Variants in ASH1L observed in about 807,000 individuals in gnomAD.
ASH1L encodes the protein ASH1 like histone lysine methyltransferase, also known as histone-lysine N-methyltransferase ASH1L.
In ASH1L, 23 loss-of-function variants were observed where a neutral mutation model predicts 269.0. The observed-to-expected ratio is 0.09, with a 90% confidence interval of 0.06 to 0.12. The LOEUF is 0.12. Ranked by LOEUF, ASH1L falls within the 10% of genes least tolerant of loss-of-function variation. The probability of loss-of-function intolerance (pLI) is 1.00; values close to 1 mark genes in which losing one functional copy is unlikely to be tolerated. For synonymous variants in ASH1L, 1,187 were observed against 1,253.5 expected (o/e 0.95, Z 1.12); for missense variants, 2,912 against 3,567.8 (o/e 0.82, Z 4.68).
chr1:155,509,803 GATA>G (rs552179671), intron 2 of ASH1L, among the ~76,000 whole-genome samples: 3 of 151,092 alleles, frequency 2.0e-5, no homozygotes, highest in Admixed American at 6.6e-5. Flanking sequence ...CATCTCAAAT[GATA>G]ATAATAATAA....
chr1:155,529,894 G>C (rs1029037445), intron 1 of ASH1L, among the ~76,000 whole-genome samples: 4 of 151,640 alleles, frequency 2.6e-5, no homozygotes, highest in African/African-American at 9.7e-5. Context: ...TTCCCTTCTG[G>C]TGGAGATTGC....
rs1232173893 is a variant in ASH1L at position 155,354,521 on chromosome 1, A to G, written c.7165T>C (p.Tyr2389His). The change falls in exon 16 of 28, where the codon TAT becomes CAT. Residue 2389 changes from tyrosine (Y) to histidine (H), a missense_variant. Around this residue, in one of 13 missense-constraint regions of ASH1L, gnomAD observed 309 missense variants for 435.1 expected, o/e 0.71. Transcript: ENST00000392403. ...CGGCAGATCCCATTCCAACGGGTAT[A>G]TAATGATGCTGAGTGAATATTATCA... Reference protein sequence around the residue: ...TSDNIHSASLYTRWNGICRDD... With the variant: ...TSDNIHSASLHTRWNGICRDD... 6.2e-7 allele frequency: 1 copy of G among 1,613,904 alleles called. No individual in the cohort carries two copies. The highest frequency in any genetic ancestry group is 1.7e-5 in the Admixed American group (1 of 59,944).
chr1:155,419,042 G>A (rs569102730), intron 5 of ASH1L, among the ~76,000 whole-genome samples: 1 of 151,954 alleles, frequency 6.6e-6, no homozygotes, highest in Non-Finnish European at 1.5e-5. Context: ...TCCAGCCTGG[G>A]AGGGCAAATA....
Position 155,474,550 on chromosome 1 carries a change from A to C in ASH1L, c.4984+3336T>G, listed in dbSNP as rs535969687. Among the ~76,000 whole-genome samples, 12 of 152,246 alleles carry C rather than the reference A, an allele frequency of 7.9e-5. No individual in the cohort carries two copies. In the East Asian group the frequency reaches 2.1e-3, roughly 27 times the overall value. ...CCCATCTCTACAAAAATACAAAGAA[A>C]TTAGCCTGGCATTGGTGGCTTGCAC... On this transcript the variant is annotated intron_variant, in intron 3 of 27. Coordinates refer to ENST00000392403, the MANE Select transcript of ASH1L (RefSeq NM_018489.3).
At chr1:155,563,177 C>T (rs1184334353), upstream of ASH1L, 2 of 456,900 alleles carry the variant, frequency 4.4e-6, no homozygotes, top group East Asian at 7.0e-5. Flanking sequence ...CCCCTCTGCC[C>T]ACCGGTGGTT....
intron 21 of ASH1L, among the ~76,000 whole-genome samples, chr1:155,345,248 T>C (rs1385639057): frequency 6.9e-6 from 1 of 144,306 alleles, no homozygotes; most frequent in Admixed American, 7.5e-5. Flanking sequence ...TGGCGTGATC[T>C]TGGCTCATTG....
intron 4 of ASH1L, among the ~76,000 whole-genome samples, chr1:155,457,190 G>A (rs1571261758): frequency 1.3e-5 from 2 of 152,026 alleles, no homozygotes; most frequent in East Asian, 1.9e-4. Context: ...AACACTCCAA[G>A]ACCTATCCTA....
Position 155,441,454 on chromosome 1 carries a change from CTTTTTTTTTTTT to C in ASH1L, c.5087-2398_5087-2387del, listed in dbSNP as rs34682576. Among the ~76,000 whole-genome samples, 17 of 73,538 alleles carry C rather than the reference CTTTTTTTTTTTT, an allele frequency of 2.3e-4. 1 individual carries two copies. The highest frequency in any genetic ancestry group is 6.7e-4 in the East Asian group (1 of 1,498). The allele number at this position is 73,538 out of a possible 152,430, so 48.2% of individuals were successfully genotyped here. Reference sequence around the variant, plus strand: ...CCACCAGATATTTGAATAAAGAATCCTTTTTTTTTTTTTTTTTTTTTTTTTTGAGACGGAGTC... The same window carrying C: ...CCACCAGATATTTGAATAAAGAATCCTTTTTTTTTTTTTTGAGACGGAGTC... On this transcript the variant is annotated intron_variant, in intron 4 of 27. Coordinates refer to ENST00000392403, the MANE Select transcript of ASH1L (RefSeq NM_018489.3).
intron 7 of ASH1L, among the ~76,000 whole-genome samples, chr1:155,386,450 T>C (rs183700554): frequency 1.3e-4 from 20 of 152,204 alleles, no homozygotes; most frequent in African/African-American, 4.8e-4. Flanking sequence ...TGGAGTGGCA[T>C]GTTCTCAGCT....
At chr1:155,543,418 GA>G (rs1202688140) in intron 1 of ASH1L, among the ~76,000 whole-genome samples, 3 of 139,740 alleles carry the variant, frequency 2.1e-5, no homozygotes, top group East Asian at 4.7e-4. Flanking sequence ...GGTGCAGCAG[GA>G]AAATTGCTTG....
At chr1:155,393,783 A>T (rs1658137648) in intron 7 of ASH1L, among the ~76,000 whole-genome samples, 1 of 151,858 alleles carries the variant, frequency 6.6e-6, no homozygotes, top group African/African-American at 2.4e-5. Context: ...CAATCTCGTG[A>T]CCTCGTGATC....
chr1:155,447,423 T>A (rs1346891319), intron 4 of ASH1L, among the ~76,000 whole-genome samples: 12 of 152,052 alleles, frequency 7.9e-5, no homozygotes, highest in Admixed American at 7.9e-4. Flanking sequence ...AGAGACGGGG[T>A]TTCATGTGTT....
At chr1:155,530,063 C>T (rs572793495) in intron 1 of ASH1L, among the ~76,000 whole-genome samples, 1 of 152,248 alleles carries the variant, frequency 6.6e-6, no homozygotes, top group Middle Eastern at 3.4e-3. Flanking sequence ...CTTACCATTC[C>T]GCTTGACAGA....
At chr1:155,341,367 G>A (rs779625154) in intron 25 of ASH1L, among the ~76,000 whole-genome samples, 1 of 152,054 alleles carries the variant, frequency 6.6e-6, no homozygotes, top group East Asian at 1.9e-4. Flanking sequence ...TAGTAGAGAG[G>A]GGGTTTCACC....
At chr1:155,547,829 C>T (rs1670935708) in intron 1 of ASH1L, among the ~76,000 whole-genome samples, 1 of 152,030 alleles carries the variant, frequency 6.6e-6, no homozygotes, top group Admixed American at 6.6e-5. Flanking sequence ...AAAAATTAGC[C>T]AAGCATGGTG....
intron 5 of ASH1L, among the ~76,000 whole-genome samples, chr1:155,435,398 G>A (rs969866398): frequency 7.9e-5 from 12 of 152,150 alleles, no homozygotes; most frequent in Non-Finnish European, 2.9e-5. Flanking sequence ...AATTCTGTAT[G>A]TTCTGATGAC....
At chr1:155,381,345 G>A (rs1028864202) in intron 7 of ASH1L, among the ~76,000 whole-genome samples, 26 of 151,764 alleles carry the variant, frequency 1.7e-4, no homozygotes, top group African/African-American at 6.1e-4. Context: ...ACGAGGTCAG[G>A]CATTAGAGAC....
rs370335694 is a variant in ASH1L at position 155,479,804 on chromosome 1, T to C, written c.3066A>G (p.Val1022=). ...GKVQSKLHNT[V]SSLAATFGSK... Reference sequence around the variant, plus strand: ...AGCCAAATGTGGCAGCAAGACTTGATACCGTATTATGGAGTTTGGATTGCA... The same window carrying C: ...AGCCAAATGTGGCAGCAAGACTTGACACCGTATTATGGAGTTTGGATTGCA... The change falls in exon 3 of 28, where the codon GTA becomes GTG. Residue 1022 remains valine, a synonymous_variant. Coordinates refer to ENST00000392403, the MANE Select transcript of ASH1L (RefSeq NM_018489.3). 2 of 1,614,240 alleles carry C rather than the reference T, an allele frequency of 1.2e-6. No individual in the cohort carries two copies. Among genetic ancestry groups the C allele is most frequent in the East Asian group, 2.2e-5 (1 of 44,894 alleles).
upstream of ASH1L, chr1:155,562,820 ACCT>A (rs1672131015): frequency 2.2e-6 from 1 of 444,570 alleles, no homozygotes; most frequent in African/African-American, 2.6e-5. Context: ...CTCCTCCTCC[ACCT>A]CCTCTTCTCT....
Sources: gnomAD v4.1 joint callset for allele counts (sites outside exome capture counted in the v4.1 genomes callset) on GRCh38, gnomAD v4.1.1 for gene constraint, gnomAD v4.1.1 regional missense constraint, MANE v1.5 for transcripts, NCBI Gene and HGNC (gene_info 2026-07-23, HGNC 2026-07-21) for gene names.